The following KCNMB3 variants were observed in gnomAD, a reference collection of about 807,000 sequenced individuals.
KCNMB3 encodes calcium-activated potassium channel subunit beta-3.
A neutral mutation model predicts 11.9 loss-of-function variants in KCNMB3; 18 were observed. The ratio of observed to expected loss-of-function variants is 1.51; its 90% CI spans 1.04 to 2.23. The LOEUF (loss-of-function observed/expected upper bound fraction) is 2.23, where lower values mean the gene tolerates loss of function less well. Ranked by LOEUF, KCNMB3 falls within the 30% of genes most tolerant of loss-of-function variation. The probability of loss-of-function intolerance (pLI) is 0.00; values close to 1 mark genes in which losing one functional copy is unlikely to be tolerated. For synonymous variants in KCNMB3, 78 were observed against 119.2 expected, an observed-to-expected ratio of 0.65 and a Z score of 2.25; for missense variants, 247 against 329.4, an observed-to-expected ratio of 0.75 and a Z score of 1.94.
At chr3:179,254,822 A>G (rs1725960027), upstream of KCNMB3, among the ~76,000 whole-genome samples, 2 of 152,150 alleles carry the variant, frequency 1.3e-5, no homozygotes, top group African/African-American at 4.8e-5. Flanking sequence ...ATAAAAAAAG[A>G]AGACGTATAT....
At chr3:179,265,435 T>A (rs965028317) in intron 1 of KCNMB3, among the ~76,000 whole-genome samples, 5 of 152,124 alleles carry the variant, frequency 3.3e-5, no homozygotes, top group Non-Finnish European at 7.4e-5. Flanking sequence ...GTGAACCTGG[T>A]TCTGAAATGT....
At chr3:179,244,435 C>T (rs565934915) in intron 2 of KCNMB3, 60 bp downstream of exon 2, 1 of 1,412,160 alleles carries the variant, frequency 7.1e-7, no homozygotes, top group South Asian at 1.2e-5. Context: ...ATGTACCCTG[C>T]TAGGGACAGT....
chr3:179,257,828 T>C (rs1169062057), intron 1 of KCNMB3, among the ~76,000 whole-genome samples: 1 of 152,104 alleles, frequency 6.6e-6, no homozygotes, highest in Non-Finnish European at 1.5e-5. Context: ...TCCTCCAAAC[T>C]TGGCTTCCCA....
chr3:179,252,737 T>G (rs900199576), upstream of KCNMB3, among the ~76,000 whole-genome samples: 8 of 150,888 alleles, frequency 5.3e-5, no homozygotes, highest in Non-Finnish European at 8.9e-5. Context: ...TGTACTTTTT[T>G]TTTTTTTTTT....
At chr3:179,254,301 A>G (rs191676355), upstream of KCNMB3, among the ~76,000 whole-genome samples, 2 of 152,328 alleles carry the variant, frequency 1.3e-5, no homozygotes, top group African/African-American at 4.8e-5. Flanking sequence ...AACACTGACT[A>G]AAAGAGGAAA....
At chr3:179,261,962 G>A (rs939268749) in intron 1 of KCNMB3, among the ~76,000 whole-genome samples, 1 of 152,124 alleles carries the variant, frequency 6.6e-6, no homozygotes, top group African/African-American at 2.4e-5. Context: ...AAATTAAAAA[G>A]CTTTATTAGA....
intron 1 of KCNMB3, chr3:179,261,250 C>G: frequency 1.5e-6 from 2 of 1,326,630 alleles, no homozygotes; most frequent in Non-Finnish European, 2.0e-6. Flanking sequence ...TCTCCCGGCT[C>G]TGCGTGGCCG....
chr3:179,240,389 A>G (rs1410037928), downstream of KCNMB3: 1 of 218,134 alleles, frequency 4.6e-6, no homozygotes, highest in Non-Finnish European at 9.1e-6. Context: ...ATATATGTAT[A>G]TACATATATG....
chr3:179,261,805 C>A (rs1437637493), intron 1 of KCNMB3, among the ~76,000 whole-genome samples: 1 of 152,172 alleles, frequency 6.6e-6, no homozygotes, highest in Non-Finnish European at 1.5e-5. Context: ...GTATTTTCCA[C>A]TTATGATGGA....
rs190037393 is a variant in KCNMB3 at position 179,263,706 on chromosome 3, T to C, written c.62+2943A>G. On this transcript the variant is annotated intron_variant, in intron 1 of 3. Coordinates refer to the KCNMB3 transcript ENST00000349697. ...ACCCACAACACTTAAAGGTAATGATTGTGCACTTGGTTTGCTGGGTTAATC... is the reference window on the plus strand; with the variant it reads ...ACCCACAACACTTAAAGGTAATGATCGTGCACTTGGTTTGCTGGGTTAATC... Among the ~76,000 whole-genome samples, 9 of 152,242 alleles carry C rather than the reference T, an allele frequency of 5.9e-5. No homozygotes were observed. The East Asian group carries it at 1.7e-3, about 29-fold the overall frequency.
In KCNMB3 at chr3:179,260,358, A is replaced by G. The variant is rs139819378; in HGVS notation, c.62+6291T>C. 138 of 1,613,992 alleles carry G rather than the reference A, an allele frequency of 8.6e-5. No individual in the cohort carries two copies. In the African/African-American group the frequency reaches 1.5e-3, roughly 18 times the overall value. On this transcript the variant is annotated intron_variant, in intron 1 of 3. Transcript: ENST00000349697. ...CTGTTCCTCATAGGTAGCACCTGCTAAGGTTCCTAGGAATGGGGCAGTGTC... is the reference window on the plus strand; with the variant it reads ...CTGTTCCTCATAGGTAGCACCTGCTGAGGTTCCTAGGAATGGGGCAGTGTC...
rs1726159305 is a variant in KCNMB3 at position 179,260,250 on chromosome 3, T to C, written c.62+6399A>G. The C allele has an allele frequency of 3.1e-6, 5 of 1,613,972 alleles. No individual in the cohort carries two copies. The South Asian group carries it at 5.5e-5, about 18-fold the overall frequency. ...CTCAAGGGGAGTTCTGGTCCTGTCA[T>C]CTGGTGCACCCATGACCTCATTTGA... On this transcript the variant is annotated intron_variant, in intron 1 of 3. Coordinates refer to the KCNMB3 transcript ENST00000349697.
At chr3:179,252,590 C>T (rs1725881995), upstream of KCNMB3, among the ~76,000 whole-genome samples, 2 of 152,124 alleles carry the variant, frequency 1.3e-5, no homozygotes, top group South Asian at 2.1e-4. Flanking sequence ...GAAGGTGGGG[C>T]ACTCCATGGT....
chr3:179,250,187 C>G (rs1725786460), intron 1 of KCNMB3, among the ~76,000 whole-genome samples: 1 of 152,026 alleles, frequency 6.6e-6, no homozygotes, highest in Non-Finnish European at 1.5e-5. Context: ...ATCTTACTGT[C>G]TCAGGGGTGG....
chr3:179,260,930 C>T (rs62410374), intron 1 of KCNMB3: 648,595 of 1,078,492 alleles, frequency 0.6, 200,355 homozygotes, highest in East Asian at 0.87. Context: ...AGCCTTCTTA[C>T]ATTTCTCTTC....
In KCNMB3 at chr3:179,246,564, G is replaced by A. The variant is rs539114247; in HGVS notation, c.249-1871C>T. The stretch of plus-strand genomic sequence containing the variant: ...AGTTTAACATGGCCTCAAGGTCTGG[G>A]GTATAAAAATCACTAGATATGGCCA... On this transcript the variant is annotated intron_variant, in intron 1 of 2. Coordinates refer to ENST00000392685, the MANE Select transcript of KCNMB3 (RefSeq NM_171830.2). 2.0e-5 allele frequency among the ~76,000 whole-genome samples: 3 copies of A among 152,052 alleles called. No homozygotes were observed. In the South Asian group the frequency reaches 6.2e-4, roughly 32 times the overall value.
intron 1 of KCNMB3, among the ~76,000 whole-genome samples, chr3:179,264,998 G>A (rs1726326560): frequency 6.6e-6 from 1 of 152,182 alleles, no homozygotes; most frequent in Non-Finnish European, 1.5e-5. Context: ...TAATTCAGTT[G>A]TGCATTTCAG....
upstream of KCNMB3, among the ~76,000 whole-genome samples, chr3:179,256,407 G>A (rs972534165): frequency 3.3e-5 from 5 of 152,064 alleles, no homozygotes; most frequent in Admixed American, 6.6e-5. Flanking sequence ...CTGCACTCCA[G>A]CCTGGGCAAC....
upstream of KCNMB3, chr3:179,251,714 G>A (rs771960824): frequency 1.1e-5 from 13 of 1,135,594 alleles, no homozygotes; most frequent in Non-Finnish European, 1.3e-5. Context: ...CTTCTCTGTC[G>A]TTTTTTGTTT....
Sources: gnomAD v4.1 joint callset for allele counts (sites outside exome capture counted in the v4.1 genomes callset) on GRCh38, gnomAD v4.1.1 for gene constraint, MANE v1.5 for transcripts, NCBI Gene and HGNC (gene_info 2026-07-23, HGNC 2026-07-21) for gene names.